The following PKD2 variants were observed in gnomAD, a reference collection of about 807,000 sequenced individuals.
PKD2 encodes polycystin-2.
In PKD2, 48 loss-of-function variants were observed where a neutral mutation model predicts 105.9. The observed-to-expected ratio is 0.45, with a 90% CI of 0.36 to 0.58. PKD2 has a LOEUF of 0.58. PKD2 is among the 20% of genes least tolerant of loss of function. The probability of loss-of-function intolerance (pLI) is 0.00; values close to 1 mark genes in which losing one functional copy is unlikely to be tolerated. For missense variants in PKD2, 1,078 were observed against 1,255.3 expected, an observed-to-expected ratio of 0.86 and a Z score of 2.13; for synonymous variants, 464 against 481.1, an observed-to-expected ratio of 0.96 and a Z score of 0.46.
intron 4 of PKD2, among the ~76,000 whole-genome samples, chr4:88,042,479 C>T (rs1727603058): frequency 6.6e-6 from 1 of 152,120 alleles, no homozygotes; most frequent in South Asian, 2.1e-4. Flanking sequence ...GGGGACACAG[C>T]CAACCCATAT....
intron 9 of PKD2, among the ~76,000 whole-genome samples, chr4:88,060,823 AC>A (rs1385143141): frequency 6.6e-6 from 1 of 152,210 alleles, no homozygotes; most frequent in Non-Finnish European, 1.5e-5. Context: ...GGTGGCACTT[AC>A]CTGCATCAGG....
Position 88,057,961 on chromosome 4 carries a change from GTGTTT to G in PKD2, c.1899-15_1899-11del. On this transcript the variant is annotated splice_polypyrimidine_tract_variant and intron_variant, in intron 8 of 14. Coordinates refer to ENST00000237596, the MANE Select transcript of PKD2 (RefSeq NM_000297.4). ...GGACATTCTTTGTTTTTGTATTGTG[GTGTTT>G]TGTTTTATTTTTATAGCTTCACTCA... 6.4e-7 allele frequency: 1 copy of G among 1,558,536 alleles called. No individual in the cohort carries two copies. Among genetic ancestry groups the G allele is most frequent in the Non-Finnish European group, 8.9e-7 (1 of 1,129,488 alleles).
chr4:88,065,180 C>T (rs1720743118), intron 10 of PKD2, among the ~76,000 whole-genome samples, 194 bp from the exon 11 acceptor site: 1 of 152,128 alleles, frequency 6.6e-6, no homozygotes, highest in Admixed American at 6.5e-5. Flanking sequence ...AAGACCCTGA[C>T]TTTTTCCATG....
rs1248820074 is a variant in PKD2 at position 88,008,162 on chromosome 4, C to T, written c.429C>T (p.Gly143=). ...GCGCGCGGAGCCGGGGGCTTGGGGG[C>T]TACCACGGCGCGGGCCACCCGAGCG... ...SVGARSRGLG[G]YHGAGHPSGR... Residue 143 remains glycine, a synonymous_variant, in exon 1 of 15, where the codon GGC becomes GGT. Coordinates refer to ENST00000237596, the MANE Select transcript of PKD2 (RefSeq NM_000297.4). 1.4e-6 allele frequency: 2 copies of T among 1,447,060 alleles called. No individual in the cohort carries two copies. Among genetic ancestry groups the T allele is most frequent in the Admixed American group, 2.4e-5 (1 of 40,946 alleles). 89.6% of individuals were successfully genotyped at this position (1,447,060 alleles called of 1,614,324 possible). A position where few individuals can be genotyped will look rare whatever the true frequency, so the allele number is the denominator to read the frequency against.
chr4:88,052,226 A>T, intron 7 of PKD2, 68 bp downstream of exon 7: 1 of 971,026 alleles, frequency 1.0e-6, no homozygotes, highest in Non-Finnish European at 1.6e-6. Flanking sequence ...GTTCCACAAA[A>T]TCATGGAATA....
intron 1 of PKD2, among the ~76,000 whole-genome samples, chr4:88,017,762 C>G (rs1225319001): frequency 6.6e-6 from 1 of 152,120 alleles, no homozygotes; most frequent in East Asian, 1.9e-4. Context: ...ATAGGCCAAG[C>G]AATACCACGT....
chr4:88,021,620 T>C (rs1726749468), intron 2 of PKD2, among the ~76,000 whole-genome samples: 1 of 152,232 alleles, frequency 6.6e-6, no homozygotes. Context: ...TCATACTGCC[T>C]CTGATTGAAC....
intron 5 of PKD2, 128 bp downstream of exon 5, chr4:88,043,585 C>T (rs1419921408): frequency 1.4e-5 from 9 of 660,386 alleles, no homozygotes; most frequent in Non-Finnish European, 2.1e-5. Context: ...AGACGGATAG[C>T]AAGGGAGGGG....
In PKD2 at chr4:88,070,639, G is replaced by C. The variant is rs371951258; in HGVS notation, c.2522+2578G>C. On this transcript the variant is annotated intron_variant, in intron 13 of 14. Coordinates refer to ENST00000237596, the MANE Select transcript of PKD2 (RefSeq NM_000297.4). ...AGAGAGAGAGAGAGAAAGAGAGAGAGAGAGAGACAGGGAGACAGGGTCTCA... is the reference window on the plus strand; with the variant it reads ...AGAGAGAGAGAGAGAAAGAGAGAGACAGAGAGACAGGGAGACAGGGTCTCA... 2.7e-5 allele frequency among the ~76,000 whole-genome samples: 4 copies of C among 147,064 alleles called. No homozygotes were observed. In the South Asian group the frequency reaches 6.6e-4, roughly 24 times the overall value.
chr4:88,071,250 A>G (rs1721024690), intron 13 of PKD2, among the ~76,000 whole-genome samples: 2 of 151,522 alleles, frequency 1.3e-5, no homozygotes, highest in African/African-American at 4.8e-5. Context: ...GATGGGGTCT[A>G]AGTTGCCCAG....
intron 2 of PKD2, among the ~76,000 whole-genome samples, chr4:88,023,090 A>C (rs1361320279): frequency 6.6e-6 from 1 of 152,142 alleles, no homozygotes; most frequent in Non-Finnish European, 1.5e-5. Flanking sequence ...GTCTCAAAAA[A>C]TAAATAAATG....
intron 13 of PKD2, among the ~76,000 whole-genome samples, chr4:88,072,773 C>T (rs1055496175): frequency 5.3e-5 from 8 of 152,214 alleles, no homozygotes; most frequent in South Asian, 2.1e-4. Context: ...CACAGTGGCT[C>T]ACGCCTGTAA....
intron 13 of PKD2, among the ~76,000 whole-genome samples, chr4:88,068,736 G>A (rs1720889252): frequency 6.6e-6 from 1 of 152,168 alleles, no homozygotes; most frequent in South Asian, 2.1e-4. Flanking sequence ...CAAGTGTTCT[G>A]TAGATGTTTG....
chr4:88,010,116 T>G (rs116776504), intron 1 of PKD2, among the ~76,000 whole-genome samples: 4,060 of 149,226 alleles, frequency 0.027, 67 homozygotes, highest in South Asian at 0.047. Context: ...TTTTTAAGAG[T>G]CGGGGTTTCA....
chr4:88,014,160 A>T lies in PKD2; in HGVS notation c.596-5298A>T, dbSNP rs530747889. 6.6e-5 allele frequency among the ~76,000 whole-genome samples: 10 copies of T among 152,368 alleles called. No homozygotes were observed. In the South Asian group the frequency reaches 2.1e-3, roughly 32 times the overall value. ...GTGGAACCAACTCCATGGGAGGGAT[A>T]AGAAGAGGGCCTATTCTAGGGTGAA... is the stretch of plus-strand genomic sequence containing the variant. On this transcript the variant is annotated intron_variant, in intron 1 of 14. Coordinates refer to ENST00000237596, the MANE Select transcript of PKD2 (RefSeq NM_000297.4).
intron 3 of PKD2, 61 bp from the exon 4 acceptor site, chr4:88,038,190 G>T: frequency 6.3e-7 from 1 of 1,579,898 alleles, no homozygotes; most frequent in Non-Finnish European, 8.7e-7. Context: ...AAACGATGCA[G>T]GCAGGGGCAA....
chr4:88,051,327 T>G (rs1195934716), intron 6 of PKD2, among the ~76,000 whole-genome samples: 1 of 152,204 alleles, frequency 6.6e-6, no homozygotes, highest in Non-Finnish European at 1.5e-5. Flanking sequence ...TTAGGATATC[T>G]TTTGTCCCTC....
At chr4:88,030,360 C>T (rs954758168) in intron 2 of PKD2, among the ~76,000 whole-genome samples, 3 of 152,134 alleles carry the variant, frequency 2.0e-5, no homozygotes, top group African/African-American at 7.2e-5. Flanking sequence ...TGTTCTTGAA[C>T]TCTTGGGCTC....
At chr4:88,060,226 A>G (rs1720519333) in intron 9 of PKD2, among the ~76,000 whole-genome samples, 2 of 152,220 alleles carry the variant, frequency 1.3e-5, no homozygotes, top group African/African-American at 4.8e-5. Context: ...GGAAGAGAGA[A>G]GGTAGAAGGT....
Sources: allele counts gnomAD v4.1 joint callset (sites outside exome capture counted in the v4.1 genomes callset), GRCh38; gene constraint gnomAD v4.1.1; transcripts MANE v1.5; gene names NCBI Gene and HGNC (gene_info 2026-07-23, HGNC 2026-07-21).